Variants in PCDHGB6 observed in about 807,000 individuals in gnomAD.
The protein encoded by PCDHGB6 is protocadherin gamma-B6.
Under a neutral mutation model 59.1 loss-of-function variants are expected in PCDHGB6, and 51 were observed. The observed-to-expected ratio is 0.86, with a 90% CI of 0.69 to 1.09. The LOEUF is 1.09. Among genes scored for constraint, PCDHGB6 ranks in the 50% least tolerant of loss-of-function variants. PCDHGB6 has a pLI of 0.00. For synonymous variants in PCDHGB6, 466 were observed against 495.1 expected (o/e 0.94, Z 0.78); for missense variants, 1,148 against 1,205.1 (o/e 0.95, Z 0.70).
chr5:141,494,921 A>C (rs1345734925), intron 2 of PCDHGB6, 56 bp downstream of exon 2: 6 of 1,613,556 alleles, frequency 3.7e-6, no homozygotes, highest in Non-Finnish European at 5.1e-6. Flanking sequence ...CTCAGGGATG[A>C]CGTGGGAGGA....
intron 1 of PCDHGB6, chr5:141,423,750 T>TG (rs144521096): frequency 0.16 from 45,934 of 282,282 alleles, 1,791 homozygotes; most frequent in African/African-American, 0.37. Context: ...GAAAACTGTT[T>TG]GGGGGGGGGG....
intron 1 of PCDHGB6, among the ~76,000 whole-genome samples, chr5:141,450,005 T>A (rs1439257597): frequency 1.0e-5 from 1 of 99,604 alleles, no homozygotes; most frequent in Non-Finnish European, 1.8e-5. Context: ...TTGCCATGTC[T>A]CTTTTTTTTT....
At chr5:141,418,944 C>T in intron 1 of PCDHGB6, 1 of 1,614,026 alleles carries the variant, frequency 6.2e-7, no homozygotes, top group Non-Finnish European at 8.5e-7. Context: ...GATTCCCCTC[C>T]AGGAGTGGTT....
At position 141,410,492 on chromosome 5, in the gene PCDHGB6, T is replaced by C; in HGVS notation, c.2290T>C (p.Phe764Leu). The change falls in exon 1 of 4, where the codon TTT becomes CTT. Residue 764 changes from phenylalanine (F) to leucine (L), a missense_variant. Phe to Leu is a conservative substitution (Grantham distance 22). Coordinates refer to ENST00000520790, the MANE Select transcript of PCDHGB6 (RefSeq NM_018926.3). The part of the protein sequence containing the change: ...LCIAHTGTKE[F>L]NFLKCSVPLH... The stretch of plus-strand genomic sequence containing the variant: ...CATTGCACATACGGGTACAAAAGAG[T>C]TTAATTTCCTAAAATGCAGTGTGCC... The C allele has an allele frequency of 1.2e-6, 2 of 1,613,912 alleles. No individual in the cohort carries two copies. Among genetic ancestry groups the C allele is most frequent in the Non-Finnish European group, 1.7e-6 (2 of 1,179,882 alleles).
rs765743251 is a variant in PCDHGB6 at position 141,476,488 on chromosome 5, G to A, written c.2419-18319G>A. ...TGGAGCTGTTCAGCGTGGAAGTGGTGATCCAGGACATCAACGACAACAATC... is the reference window on the plus strand; with the variant it reads ...TGGAGCTGTTCAGCGTGGAAGTGGTAATCCAGGACATCAACGACAACAATC... On this transcript the variant is annotated intron_variant, in intron 1 of 3. Coordinates refer to ENST00000520790, the MANE Select transcript of PCDHGB6 (RefSeq NM_018926.3). This position sits in a 1 kb window ranked among gnomAD's most constrained non-coding sequence, Gnocchi z 7.6. 4 of 1,613,932 alleles carry A rather than the reference G, an allele frequency of 2.5e-6. No homozygotes were observed. Among genetic ancestry groups the A allele is most frequent in the Non-Finnish European group, 3.4e-6 (4 of 1,180,016 alleles).
chr5:141,450,015 T>A (rs911475310), intron 1 of PCDHGB6, among the ~76,000 whole-genome samples: 12 of 149,806 alleles, frequency 8.0e-5, no homozygotes, highest in Non-Finnish European at 1.6e-4. Flanking sequence ...TCTTTTTTTT[T>A]TTTTTTTTTG....
In PCDHGB6 at chr5:141,489,365, G is replaced by A. The variant is rs774363104; in HGVS notation, c.2419-5442G>A. ...TCAGTGGTGGAGGAGTCTGAGCCGG[G>A]GACGCTGGTGGGGAATGTTGCTCAG... On this transcript the variant is annotated intron_variant, in intron 1 of 3. Transcript: ENST00000520790. The surrounding 1 kb of genome is among the most constrained non-coding windows in gnomAD (Gnocchi z 4.5). The A allele has an allele frequency of 6.2e-7, 1 of 1,613,512 alleles. No individual in the cohort carries two copies.
Position 141,491,340 on chromosome 5 carries a change from C to T in PCDHGB6, c.2419-3467C>T, listed in dbSNP as rs772328241. The T allele has an allele frequency of 3.7e-6, 6 of 1,614,144 alleles. No individual in the cohort carries two copies. The Admixed American group carries it at 6.7e-5, about 18-fold the overall frequency. ...TTTACCTCATTGTGGCTCTAGCGAC[C>T]GTCAGTCTCTTATCCCTAGTCACCT... On this transcript the variant is annotated intron_variant, in intron 1 of 3. Transcript: ENST00000520790. This position sits in a 1 kb window ranked among gnomAD's most constrained non-coding sequence, Gnocchi z 6.9.
Position 141,410,443 on chromosome 5 carries a change from T to A in PCDHGB6, c.2241T>A (p.Thr747=), listed in dbSNP as rs1207487083. ...TTCCCCCCAACTACAGTGAGGGGAC[T>A]TTGCCTTATTCTTATAATCTGTGCA... ...PVVPPNYSEG[T]LPYSYNLCIA... The change falls in exon 1 of 4, where the codon ACT becomes ACA. Residue 747 remains threonine, a synonymous_variant. Transcript: ENST00000520790. The A allele has an allele frequency of 6.2e-7, 1 of 1,613,926 alleles. No individual in the cohort carries two copies. Among genetic ancestry groups the A allele is most frequent in the Non-Finnish European group, 8.5e-7 (1 of 1,179,906 alleles).
chr5:141,410,036 A>G lies in PCDHGB6; in HGVS notation c.1834A>G (p.Ser612Gly). ...AWLSYHVLQASEPGLFSLGLR... is the reference protein window; with the variant it reads ...AWLSYHVLQAGEPGLFSLGLR... ...GCTGTCCTACCACGTGCTGCAGGCC[A>G]GTGAGCCCGGACTCTTCAGCCTGGG... is the stretch of plus-strand genomic sequence containing the variant. Residue 612 changes from serine to glycine, a missense_variant, in exon 1 of 4, where the codon AGT becomes GGT. Physicochemically the swap from Ser to Gly is moderately conservative, Grantham distance 56. Coordinates refer to ENST00000520790, the MANE Select transcript of PCDHGB6 (RefSeq NM_018926.3). The G allele has an allele frequency of 6.2e-7, 1 of 1,613,240 alleles. No individual in the cohort carries two copies. Among genetic ancestry groups the G allele is most frequent in the Non-Finnish European group, 8.5e-7 (1 of 1,179,800 alleles).
In PCDHGB6 at chr5:141,511,035, C is replaced by T. The variant is rs373005862; in HGVS notation, c.2655C>T (p.His885=). Residue 885 remains histidine (H), a synonymous_variant, in exon 4 of 4, where the codon CAC becomes CAT. Transcript: ENST00000520790. ...ACGGACCCCAGTTCACCCTGCAGCA[C>T]GTGCCCGACTACCGCCAGAATGTCT... ...ARYGPQFTLQ[H]VPDYRQNVYI... The T allele has an allele frequency of 1.7e-5, 27 of 1,614,208 alleles. No individual in the cohort carries two copies. The African/African-American group carries it at 2.9e-4, about 18-fold the overall frequency.
chr5:141,510,978 G>A lies in PCDHGB6; in HGVS notation c.2598G>A (p.Gly866=), dbSNP rs2099883535. 1.2e-6 allele frequency: 2 copies of A among 1,614,160 alleles called. No homozygotes were observed. The change falls in exon 4 of 4, where the codon GGG becomes GGA. Residue 866 remains glycine, a synonymous_variant. Transcript: ENST00000520790. The part of the protein sequence containing the change: ...EAADGSSTLG[G]GAGTMGLSAR... Reference sequence around the variant, plus strand: ...CTGATGGGAGCTCCACCCTGGGAGGGGGTGCCGGCACCATGGGATTGAGCG... The same window carrying A: ...CTGATGGGAGCTCCACCCTGGGAGGAGGTGCCGGCACCATGGGATTGAGCG...
chr5:141,417,599 C>G (rs1036283292), intron 1 of PCDHGB6: 4 of 500,492 alleles, frequency 8.0e-6, no homozygotes, highest in African/African-American at 7.8e-5. Flanking sequence ...CTCTGGGCGC[C>G]GCCGTCGGCC....
chr5:141,431,460 A>T lies in PCDHGB6; in HGVS notation c.2418+20840A>T, dbSNP rs761879594. On this transcript the variant is annotated intron_variant, in intron 1 of 3. Transcript: ENST00000520790. This position sits in a 1 kb window ranked among gnomAD's most constrained non-coding sequence, Gnocchi z 4.8. The stretch of plus-strand genomic sequence containing the variant: ...GCGCGCATCCGCGTGATGGTTCTGG[A>T]TGCGAACGACAACGCACCAGCGTTT... The T allele has an allele frequency of 6.2e-7, 1 of 1,613,794 alleles. No individual in the cohort carries two copies. The highest frequency in any genetic ancestry group is 1.7e-5 in the Admixed American group (1 of 60,032).
rs61612330 is a variant in PCDHGB6, at chr5:141,454,796, A to ATTTTTTTTTTTTTTT, written c.2419-39996_2419-39982dup. 1.0e-3 allele frequency among the ~76,000 whole-genome samples: 80 copies of ATTTTTTTTTTTTTTT among 77,456 alleles called. 10 individuals are homozygous for ATTTTTTTTTTTTTTT. The highest frequency in any genetic ancestry group is 2.0e-3 in the East Asian group (5 of 2,512). The allele number at this position is 77,456 out of a possible 152,430, so 50.8% of individuals were successfully genotyped here. A position where few individuals can be genotyped will look rare whatever the true frequency, so the allele number is the denominator to read the frequency against. On this transcript the variant is annotated intron_variant, in intron 1 of 3. Transcript: ENST00000520790. ...AAGGAAATAATCCTCCATGGTTCTA[A>ATTTTTTTTTTTTTTT]TTTTTTTTTTTTTTTTTTTTTTTTT...
chr5:141,469,881 G>A (rs922510082), intron 1 of PCDHGB6, among the ~76,000 whole-genome samples: 11 of 152,056 alleles, frequency 7.2e-5, no homozygotes, highest in Admixed American at 3.3e-4. Context: ...CTGTAATCTC[G>A]GCACTTTGGG....
rs2097422953 is a variant in PCDHGB6 at position 141,431,840 on chromosome 5, C to A, written c.2418+21220C>A. The A allele has an allele frequency of 1.9e-6, 3 of 1,614,248 alleles. No homozygotes were observed. The highest frequency in any genetic ancestry group is 1.6e-4 in the Middle Eastern group (1 of 6,062). ...CGCCAGCTCGGTTCCCGAAAACTCT[C>A]CCAGAGGGACATTAATTGCCCTTTT... On this transcript the variant is annotated intron_variant, in intron 1 of 3. Transcript: ENST00000520790. The surrounding 1 kb of genome is among the most constrained non-coding windows in gnomAD (Gnocchi z 4.8).
rs1332743231 is a variant in PCDHGB6 at position 141,432,967 on chromosome 5, G to A, written c.2418+22347G>A. 4 of 1,614,192 alleles carry A rather than the reference G, an allele frequency of 2.5e-6. No homozygotes were observed. In the East Asian group the frequency reaches 6.7e-5, roughly 27 times the overall value. On this transcript the variant is annotated intron_variant, in intron 1 of 3. Coordinates refer to ENST00000520790, the MANE Select transcript of PCDHGB6 (RefSeq NM_018926.3). The surrounding 1 kb of genome is among the most constrained non-coding windows in gnomAD (Gnocchi z 6.0). The stretch of plus-strand genomic sequence containing the variant: ...CAGGAGGCGGCTTGACAGGAGCGCC[G>A]GCGTCGCACTTTGTGGGCGTGGACG...
intron 1 of PCDHGB6, chr5:141,419,095 G>A (rs1478382101): frequency 1.2e-6 from 2 of 1,613,816 alleles, no homozygotes; most frequent in African/African-American, 2.7e-5. Context: ...CCCTGGATCG[G>A]GAGCAGACCC....
Sources: gnomAD v4.1 joint callset for allele counts (sites outside exome capture counted in the v4.1 genomes callset) on GRCh38, gnomAD v4.1.1 for gene constraint, Gnocchi (gnomAD v3.1) non-coding constraint, MANE v1.5 for transcripts, NCBI Gene and HGNC (gene_info 2026-07-23, HGNC 2026-07-21) for gene names.